Variants in VEPH1 observed in about 807,000 individuals in gnomAD.
VEPH1 encodes the protein ventricular zone-expressed PH domain-containing protein homolog 1.
A neutral mutation model predicts 85.2 loss-of-function variants in VEPH1; 80 were observed. That is an observed-to-expected ratio of 0.94 (90% confidence interval 0.78 to 1.13). The LOEUF (loss-of-function observed/expected upper bound fraction) is 1.13. Ranked by LOEUF, VEPH1 falls within the 50% of genes most tolerant of loss-of-function variation. The probability of loss-of-function intolerance (pLI) is 0.00; values close to 1 mark genes in which losing one functional copy is unlikely to be tolerated. For missense variants in VEPH1, 955 were observed against 980.5 expected, an observed-to-expected ratio of 0.97 and a Z score of 0.35; for synonymous variants, 297 against 348.0, an observed-to-expected ratio of 0.85 and a Z score of 1.63.
intron 6 of VEPH1, among the ~76,000 whole-genome samples, chr3:157,389,899 A>G (rs1481589664): frequency 1.3e-5 from 2 of 152,176 alleles, no homozygotes; most frequent in Middle Eastern, 3.2e-3. Context: ...TTTCCAGTTT[A>G]TCTTCCCTTC....
chr3:157,475,394 T>C (rs1323134336), intron 2 of VEPH1, among the ~76,000 whole-genome samples: 1 of 152,198 alleles, frequency 6.6e-6, no homozygotes, highest in Non-Finnish European at 1.5e-5. Context: ...TTTAAAAAAA[T>C]AGGTGCATTT....
intron 9 of VEPH1, among the ~76,000 whole-genome samples, chr3:157,327,256 T>A (rs1722011080): frequency 6.6e-6 from 1 of 152,198 alleles, no homozygotes; most frequent in African/African-American, 2.4e-5. Context: ...TGCTCCCAGA[T>A]GCCACCTTAG....
At chr3:157,470,604 G>A in intron 2 of VEPH1, 75 bp from the exon 3 acceptor site, 2 of 1,448,280 alleles carry the variant, frequency 1.4e-6, no homozygotes, top group Non-Finnish European at 1.9e-6. Context: ...TACTAACTCA[G>A]TCATTTAGAA....
At chr3:157,300,468 C>T (rs1298332776) in intron 11 of VEPH1, among the ~76,000 whole-genome samples, 1 of 152,046 alleles carries the variant, frequency 6.6e-6, no homozygotes, top group Non-Finnish European at 1.5e-5. Flanking sequence ...AAATATAATA[C>T]ATGTGATAAA....
At chr3:157,389,656 T>C (rs1036233509) in intron 6 of VEPH1, among the ~76,000 whole-genome samples, 1 of 151,468 alleles carries the variant, frequency 6.6e-6, no homozygotes, top group Non-Finnish European at 1.5e-5. Flanking sequence ...GATAGATAGA[T>C]AGATAGATAG....
chr3:157,490,963 C>T (rs1428257538), intron 2 of VEPH1, among the ~76,000 whole-genome samples: 1 of 152,142 alleles, frequency 6.6e-6, no homozygotes, highest in Non-Finnish European at 1.5e-5. Context: ...TTGAAACTAC[C>T]TGTACCAATA....
rs540323622 is a variant in VEPH1 at position 157,282,045 on chromosome 3, A to T, written c.2128+4512T>A. 1.6e-4 allele frequency among the ~76,000 whole-genome samples: 24 copies of T among 152,296 alleles called. 1 individual carries two copies. Among genetic ancestry groups the T allele is most frequent in the African/African-American group, 5.8e-4 (24 of 41,560 alleles). ...AAGGGTGCCCCCAAAGGAGACCCACAACTGCTGTTACCAATTCTTTTGACT... is the reference window on the plus strand; with the variant it reads ...AAGGGTGCCCCCAAAGGAGACCCACTACTGCTGTTACCAATTCTTTTGACT... On this transcript the variant is annotated intron_variant, in intron 12 of 13. Coordinates refer to ENST00000362010, the MANE Select transcript of VEPH1 (RefSeq NM_001167912.2).
At chr3:157,427,058 G>C (rs1167459285) in intron 5 of VEPH1, among the ~76,000 whole-genome samples, 1 of 151,930 alleles carries the variant, frequency 6.6e-6, no homozygotes, top group Non-Finnish European at 1.5e-5. Context: ...TGCAATCTTG[G>C]CTCACTGCAA....
intron 9 of VEPH1, among the ~76,000 whole-genome samples, chr3:157,342,088 C>A (rs998083735): frequency 1.3e-5 from 2 of 152,176 alleles, no homozygotes; most frequent in African/African-American, 4.8e-5. Context: ...ATTGTAAAGA[C>A]CATCGAGGCT....
intron 3 of VEPH1, among the ~76,000 whole-genome samples, chr3:157,469,534 T>G (rs1302940265): frequency 6.6e-6 from 1 of 152,214 alleles, no homozygotes; most frequent in Non-Finnish European, 1.5e-5. Flanking sequence ...TAACCAGCTT[T>G]CTTTATTGCA....
At chr3:157,369,125 A>G (rs12696048) in intron 7 of VEPH1, among the ~76,000 whole-genome samples, 1 of 149,020 alleles carries the variant, frequency 6.7e-6, no homozygotes. Flanking sequence ...AACAACCACC[A>G]CAAAACACAA....
At chr3:157,317,001 G>A in intron 10 of VEPH1, 61 bp downstream of exon 10, 1 of 1,504,242 alleles carries the variant, frequency 6.6e-7, no homozygotes, top group Non-Finnish European at 8.9e-7. Flanking sequence ...CAATAAAAAT[G>A]ATTATAAGCC....
rs150839399 is a variant in VEPH1, at chr3:157,275,512, G to A, written c.2129-9850C>T. Among the ~76,000 whole-genome samples, 658 of 152,116 alleles carry A rather than the reference G, an allele frequency of 4.3e-3. 4 individuals carry two copies. The highest frequency in any genetic ancestry group is 7.0e-3 in the Non-Finnish European group (479 of 68,004). On this transcript the variant is annotated intron_variant, in intron 12 of 13. Coordinates refer to ENST00000362010, the MANE Select transcript of VEPH1 (RefSeq NM_001167912.2). The stretch of plus-strand genomic sequence containing the variant: ...AATTGCTTGAACCTGGGAGGCGGAG[G>A]TTGCAGTGAGCCAAGATTGTGCCAT...
Position 157,410,135 on chromosome 3 carries a change from G to A in VEPH1, c.906+3746C>T, listed in dbSNP as rs930732335. On this transcript the variant is annotated intron_variant, in intron 6 of 13. Transcript: ENST00000362010. ...TAAACCCAACAGACAGGACCACTTTGGTGTCAAAGAGAAAAATTTCAAATG... is the reference window on the plus strand; with the variant it reads ...TAAACCCAACAGACAGGACCACTTTAGTGTCAAAGAGAAAAATTTCAAATG... Among the ~76,000 whole-genome samples the A allele has an allele frequency of 2.6e-5, 4 of 152,076 alleles. No individual in the cohort carries two copies. The East Asian group carries it at 7.7e-4, about 29-fold the overall frequency.
chr3:157,463,650 G>A (rs576969667), intron 3 of VEPH1, among the ~76,000 whole-genome samples: 1 of 152,260 alleles, frequency 6.6e-6, no homozygotes, highest in South Asian at 2.1e-4. Context: ...GTGCTTGGTT[G>A]GAACACACAA....
Position 157,486,485 on chromosome 3 carries a change from C to CAAAAA in VEPH1, c.138+8722_138+8726dup, listed in dbSNP as rs576141960. On this transcript the variant is annotated intron_variant, in intron 2 of 13. Transcript: ENST00000362010. ...CACTCGACAGAGCAAGACTCTGACT[C>CAAAAA]AAAAAAAAAAAAAAAGAGGCAGCAT... 2.0e-4 allele frequency among the ~76,000 whole-genome samples: 24 copies of CAAAAA among 118,364 alleles called. No homozygotes were observed. The Middle Eastern group carries it at 0.03, about 149-fold the overall frequency. The allele number at this position is 118,364 out of a possible 152,430, so 77.7% of individuals were successfully genotyped here.
intron 3 of VEPH1, among the ~76,000 whole-genome samples, chr3:157,467,928 A>G (rs1239060039): frequency 6.6e-6 from 1 of 152,222 alleles, no homozygotes; most frequent in Non-Finnish European, 1.5e-5. Context: ...CAATTTCTCA[A>G]AAACATTTAA....
intron 9 of VEPH1, among the ~76,000 whole-genome samples, chr3:157,342,575 A>G (rs1040450588): frequency 3.9e-5 from 6 of 152,198 alleles, no homozygotes; most frequent in African/African-American, 1.4e-4. Flanking sequence ...CACAATAATA[A>G]TGGGACACTT....
At chr3:157,289,582 C>T (rs927000170) in intron 11 of VEPH1, among the ~76,000 whole-genome samples, 1 of 152,178 alleles carries the variant, frequency 6.6e-6, no homozygotes, top group African/African-American at 2.4e-5. Flanking sequence ...CAAACACAAA[C>T]CAACAACCAG....
Sources: gnomAD v4.1 joint callset for allele counts (sites outside exome capture counted in the v4.1 genomes callset) on GRCh38, gnomAD v4.1.1 for gene constraint, MANE v1.5 for transcripts, NCBI Gene and HGNC (gene_info 2026-07-23, HGNC 2026-07-21) for gene names.